The following ANO2 variants were observed in gnomAD, a reference collection of about 807,000 sequenced individuals.
ANO2 encodes the protein anoctamin-2.
In ANO2, 101 loss-of-function variants were observed where a neutral mutation model predicts 124.2. That is an observed-to-expected ratio of 0.81 (90% CI 0.69 to 0.96). The LOEUF (loss-of-function observed/expected upper bound fraction) is 0.96, where lower values mean the gene tolerates loss of function less well. Among genes scored for constraint, ANO2 ranks in the 40% least tolerant of loss-of-function variants. ANO2 has a pLI of 0.00. For synonymous variants in ANO2, 486 were observed against 482.5 expected (o/e 1.01, Z -0.09); for missense variants, 1,293 against 1,274.5 (o/e 1.01, Z -0.22).
intron 7 of ANO2, among the ~76,000 whole-genome samples, chr12:5,825,613 C>T (rs1326985334): frequency 1.3e-5 from 2 of 152,284 alleles, no homozygotes; most frequent in East Asian, 3.9e-4. Flanking sequence ...CTTTGGGCTC[C>T]TCCTACCTTT....
At chr12:5,722,982 C>G (rs1950291904) in intron 14 of ANO2, among the ~76,000 whole-genome samples, 1 of 152,158 alleles carries the variant, frequency 6.6e-6, no homozygotes, top group Admixed American at 6.5e-5. Context: ...AACAACCTTG[C>G]CATGTAAGAG....
chr12:5,669,067 C>A (rs998737619), intron 14 of ANO2, among the ~76,000 whole-genome samples: 9 of 151,724 alleles, frequency 5.9e-5, no homozygotes, highest in Admixed American at 2.0e-4. Flanking sequence ...AAAATCGTTT[C>A]TTCTAATTCT....
intron 10 of ANO2, among the ~76,000 whole-genome samples, chr12:5,791,575 G>T (rs4930803): frequency 0.82 from 124,966 of 152,148 alleles, 51,868 homozygotes; most frequent in Middle Eastern, 0.91. Flanking sequence ...TGGAACTCTG[G>T]GGCACCTTCA....
At chr12:5,648,359 G>T (rs1443063226) in intron 14 of ANO2, among the ~76,000 whole-genome samples, 2 of 152,198 alleles carry the variant, frequency 1.3e-5, no homozygotes, top group Non-Finnish European at 2.9e-5. Context: ...TCCTCAAAGA[G>T]GCTACATGTA....
At chr12:5,732,999 C>A in intron 13 of ANO2, 1 of 1,136,202 alleles carries the variant, frequency 8.8e-7, no homozygotes, top group East Asian at 2.5e-5. Flanking sequence ...CCTGGTCATC[C>A]CACCAACTAT....
chr12:5,597,878 C>T (rs1185231964), intron 20 of ANO2, among the ~76,000 whole-genome samples: 1 of 152,172 alleles, frequency 6.6e-6, no homozygotes, highest in Non-Finnish European at 1.5e-5. Flanking sequence ...AGCTCTTAGC[C>T]AAACATGAAA....
chr12:5,635,006 C>T lies in ANO2; in HGVS notation c.1816+146G>A, dbSNP rs982301241. On this transcript the variant is annotated intron_variant, in intron 16 of 24. Transcript: ENST00000682330. This position sits in a 1 kb window ranked among gnomAD's most constrained non-coding sequence, Gnocchi z 5.2. ...TTTGACAGCCCTACAAATACACACA[C>T]GTTGCACTTCCCCATTTCTCTAATT... 8 of 677,630 alleles carry T rather than the reference C, an allele frequency of 1.2e-5. No homozygotes were observed. Among genetic ancestry groups the T allele is most frequent in the East Asian group, 3.0e-5 (1 of 33,706 alleles). 42.0% of individuals were successfully genotyped at this position (677,630 alleles called of 1,614,324 possible).
intron 20 of ANO2, among the ~76,000 whole-genome samples, chr12:5,586,496 T>C (rs892076707): frequency 2.6e-5 from 4 of 152,216 alleles, no homozygotes; most frequent in African/African-American, 9.7e-5. Flanking sequence ...TGACAGAATA[T>C]GTGGGCCTCA....
At chr12:5,906,523 G>A (rs1012415422) in intron 3 of ANO2, among the ~76,000 whole-genome samples, 6 of 152,038 alleles carry the variant, frequency 3.9e-5, no homozygotes, top group African/African-American at 7.2e-5. Flanking sequence ...AAGGCCAGGC[G>A]CAGTGGCTCA....
At position 5,599,597 on chromosome 12, in the gene ANO2, T is replaced by C; in HGVS notation, c.2120A>G (p.Asp707Gly). Residue 707 changes from aspartate to glycine, a missense_variant, in exon 20 of 25, where the codon GAT becomes GGT. Transcript: ENST00000682330. ...KLKKLFRKLK[D>G]ETEAGETDSA... ...GTCAGTTTCTCCAGCTTCGGTCTCA[T>C]CTTTCAGCTTTCGAAATAGTTTCTT... 1.2e-6 allele frequency: 2 copies of C among 1,613,804 alleles called. No individual in the cohort carries two copies. Among genetic ancestry groups the C allele is most frequent in the Non-Finnish European group, 1.7e-6 (2 of 1,179,838 alleles).
intron 17 of ANO2, 90 bp downstream of exon 17, chr12:5,615,096 A>G: frequency 1.0e-6 from 1 of 996,976 alleles, no homozygotes. Flanking sequence ...TGAGTGGACA[A>G]TGGGGACAGG....
In ANO2 at chr12:5,882,969, C is replaced by T. The variant is rs532797335; in HGVS notation, c.535-28828G>A. 1.9e-4 allele frequency among the ~76,000 whole-genome samples: 29 copies of T among 152,286 alleles called. No individual in the cohort carries two copies. In the South Asian group the frequency reaches 4.8e-3, roughly 25 times the overall value. ...GAATGGGGAGATATGAGAGCAAAGACGGCTGCTGCATGAGCAGAGATGCTT... is the reference window on the plus strand; with the variant it reads ...GAATGGGGAGATATGAGAGCAAAGATGGCTGCTGCATGAGCAGAGATGCTT... On this transcript the variant is annotated intron_variant, in intron 3 of 24. Coordinates refer to ENST00000682330, the MANE Select transcript of ANO2 (RefSeq NM_001364791.2).
chr12:5,599,758 TAGAG>T, intron 19 of ANO2, 129 bp from the exon 20 acceptor site: 1 of 1,035,576 alleles, frequency 9.7e-7, no homozygotes, highest in Non-Finnish European at 1.4e-6. Flanking sequence ...CAAGTAGAGA[TAGAG>T]AGACACTAAA....
At chr12:5,837,994 G>C (rs575255567) in intron 4 of ANO2, among the ~76,000 whole-genome samples, 8 of 151,934 alleles carry the variant, frequency 5.3e-5, no homozygotes, top group Non-Finnish European at 2.9e-5. Context: ...AAAGAGAGAA[G>C]AATCAAATAG....
intron 16 of ANO2, among the ~76,000 whole-genome samples, chr12:5,623,311 C>T (rs544392863): frequency 2.5e-4 from 38 of 152,238 alleles, no homozygotes; most frequent in African/African-American, 6.3e-4. Context: ...ATAGCACCTC[C>T]GCCGGGAAGC....
intron 13 of ANO2, among the ~76,000 whole-genome samples, chr12:5,737,801 C>A (rs374311230): frequency 5.3e-5 from 8 of 152,142 alleles, no homozygotes; most frequent in African/African-American, 1.9e-4. Context: ...ATTGGAAGGA[C>A]CAGTTTGGGA....
intron 14 of ANO2, among the ~76,000 whole-genome samples, chr12:5,667,094 C>T (rs1489424654): frequency 2.6e-5 from 4 of 152,120 alleles, no homozygotes; most frequent in Admixed American, 1.3e-4. Context: ...GGAGGACACC[C>T]GGAAGCTCTG....
At chr12:5,570,614 C>A (rs1942051589) in intron 23 of ANO2, among the ~76,000 whole-genome samples, 1 of 152,190 alleles carries the variant, frequency 6.6e-6, no homozygotes. Flanking sequence ...GTGACATCTG[C>A]CACAATTCAT....
chr12:5,562,692 A>G lies in ANO2; in HGVS notation c.*607T>C, dbSNP rs1941506609. 6.6e-6 allele frequency: 1 copy of G among 152,450 alleles called. No homozygotes were observed. Among genetic ancestry groups the G allele is most frequent in the African/African-American group, 2.4e-5 (1 of 41,454 alleles). 9.4% of individuals were successfully genotyped at this position (152,450 alleles called of 1,614,324 possible). On this transcript the variant is annotated 3_prime_UTR_variant, in exon 25 of 25. Coordinates refer to ENST00000682330, the MANE Select transcript of ANO2 (RefSeq NM_001364791.2). ...GTGTCCATTTATTTTATTATTTTAA[A>G]TCTGAACTTTCATAAAATGATGGTT...
Sources: gnomAD v4.1 joint callset for allele counts (sites outside exome capture counted in the v4.1 genomes callset) on GRCh38, gnomAD v4.1.1 for gene constraint, Gnocchi (gnomAD v3.1) non-coding constraint, MANE v1.5 for transcripts, NCBI Gene and HGNC (gene_info 2026-07-23, HGNC 2026-07-21) for gene names.